RSU1: variants seen among roughly 807,000 people sequenced by gnomAD.
The protein encoded by RSU1 is Ras suppressor protein 1.
A neutral mutation model predicts 31.1 loss-of-function variants in RSU1; 26 were observed. The ratio of observed to expected loss-of-function variants is 0.84; its 90% CI spans 0.61 to 1.16. The LOEUF is 1.16. RSU1 is among the 50% of genes most tolerant of loss of function. RSU1 has a pLI of 0.00. For missense variants in RSU1, 320 were observed against 339.1 expected, an observed-to-expected ratio of 0.94 and a Z score of 0.44; for synonymous variants, 164 against 136.3, an observed-to-expected ratio of 1.20 and a Z score of -1.41.
intron 2 of RSU1, among the ~76,000 whole-genome samples, chr10:16,815,810 T>C (rs1838516265): frequency 6.6e-6 from 1 of 152,138 alleles, no homozygotes; most frequent in Non-Finnish European, 1.5e-5. Flanking sequence ...GGTGGTGATG[T>C]CTAAGCTGAC....
At chr10:16,663,993 T>C (rs947841469) in intron 8 of RSU1, among the ~76,000 whole-genome samples, 2 of 152,028 alleles carry the variant, frequency 1.3e-5, no homozygotes, top group Admixed American at 1.3e-4. Context: ...AGTAGTTCAA[T>C]TACTCTACAC....
intron 7 of RSU1, among the ~76,000 whole-genome samples, chr10:16,707,518 G>A (rs1338400013): frequency 6.7e-6 from 1 of 149,060 alleles, no homozygotes; most frequent in African/African-American, 2.5e-5. Flanking sequence ...CCATCTGTAT[G>A]TCTGCTTTGG....
chr10:16,748,947 A>T (rs1836915837), intron 7 of RSU1, among the ~76,000 whole-genome samples: 1 of 151,666 alleles, frequency 6.6e-6, no homozygotes, highest in African/African-American at 2.4e-5. Context: ...CCGCTAGAAC[A>T]TCATCAGTCA....
intron 7 of RSU1, among the ~76,000 whole-genome samples, chr10:16,737,842 A>T (rs1367828599): frequency 6.6e-6 from 1 of 152,226 alleles, no homozygotes; most frequent in Admixed American, 6.5e-5. Flanking sequence ...GGCACATAAA[A>T]CTTTTAAGTG....
intron 8 of RSU1, among the ~76,000 whole-genome samples, chr10:16,623,988 G>A (rs998090176): frequency 7.9e-5 from 12 of 152,086 alleles, no homozygotes; most frequent in African/African-American, 1.4e-4. Context: ...AAGTCAAAAT[G>A]AGTATGAAAC....
chr10:16,620,995 T>C (rs1469234635), intron 8 of RSU1, among the ~76,000 whole-genome samples: 1 of 152,114 alleles, frequency 6.6e-6, no homozygotes, highest in Admixed American at 6.6e-5. Flanking sequence ...CCTTGCAGTG[T>C]TTTTTCAATC....
At chr10:16,655,745 T>C (rs1177467585) in intron 8 of RSU1, among the ~76,000 whole-genome samples, 1 of 152,216 alleles carries the variant, frequency 6.6e-6, no homozygotes, top group East Asian at 1.9e-4. Context: ...GGTGTTTACT[T>C]TGTATTTCCA....
intron 8 of RSU1, among the ~76,000 whole-genome samples, chr10:16,639,173 CTAA>C (rs1375345740): frequency 6.6e-6 from 1 of 152,198 alleles, no homozygotes; most frequent in Non-Finnish European, 1.5e-5. Flanking sequence ...AACACCACTG[CTAA>C]TAAAACTGTG....
chr10:16,767,080 T>C (rs1837328267), intron 3 of RSU1, among the ~76,000 whole-genome samples: 1 of 151,078 alleles, frequency 6.6e-6, no homozygotes, highest in African/African-American at 2.4e-5. Context: ...TCACTGGATG[T>C]CATCTTCTCC....
intron 7 of RSU1, among the ~76,000 whole-genome samples, chr10:16,699,972 A>C (rs1484179395): frequency 6.6e-6 from 1 of 152,248 alleles, no homozygotes; most frequent in Admixed American, 6.5e-5. Context: ...GCAATTGTGT[A>C]AACATTAAAT....
chr10:16,675,803 A>G (rs1835217455), intron 8 of RSU1, among the ~76,000 whole-genome samples: 2 of 152,224 alleles, frequency 1.3e-5, no homozygotes, highest in Admixed American at 6.5e-5. Context: ...CAGACCTGAC[A>G]TCACCCTGCC....
Position 16,812,536 on chromosome 10 carries a change from A to G in RSU1, c.109+4437T>C, listed in dbSNP as rs144272072. 4.6e-3 allele frequency among the ~76,000 whole-genome samples: 705 copies of G among 152,290 alleles called. 12 individuals are homozygous for G. The highest frequency in any genetic ancestry group is 0.016 in the African/African-American group (681 of 41,548). On this transcript the variant is annotated intron_variant, in intron 2 of 8. Coordinates refer to ENST00000345264, the MANE Select transcript of RSU1 (RefSeq NM_012425.4). Reference sequence around the variant, plus strand: ...TCCCCAGCTCTTTAATCTATCCCCCAAAGAAGGTCGACATGGATAGCATGT... The same window carrying G: ...TCCCCAGCTCTTTAATCTATCCCCCGAAGAAGGTCGACATGGATAGCATGT...
At chr10:16,780,373 G>A (rs1433797794) in intron 3 of RSU1, among the ~76,000 whole-genome samples, 2 of 152,114 alleles carry the variant, frequency 1.3e-5, no homozygotes, top group African/African-American at 2.4e-5. Context: ...TTCAGTAGCT[G>A]GGACCACAGG....
At chr10:16,635,901 A>T (rs1834336232) in intron 8 of RSU1, among the ~76,000 whole-genome samples, 1 of 152,176 alleles carries the variant, frequency 6.6e-6, no homozygotes, top group African/African-American at 2.4e-5. Context: ...ATGTTACTCC[A>T]GTCATCAACA....
chr10:16,649,819 G>T (rs1834645786), intron 8 of RSU1, among the ~76,000 whole-genome samples: 1 of 152,118 alleles, frequency 6.6e-6, no homozygotes, highest in African/African-American at 2.4e-5. Flanking sequence ...GACATAAGGA[G>T]ATTTAATTTT....
intron 3 of RSU1, among the ~76,000 whole-genome samples, chr10:16,778,167 C>T (rs1202315249): frequency 6.6e-6 from 1 of 151,828 alleles, no homozygotes; most frequent in Non-Finnish European, 1.5e-5. Context: ...ATGCCTGGCT[C>T]ATGTTTTTTT....
intron 7 of RSU1, among the ~76,000 whole-genome samples, chr10:16,719,413 G>A (rs1836209797): frequency 6.6e-6 from 1 of 152,124 alleles, no homozygotes; most frequent in Non-Finnish European, 1.5e-5. Context: ...TGGCTCACTT[G>A]TATCACCCAA....
intron 8 of RSU1, among the ~76,000 whole-genome samples, chr10:16,615,448 C>T (rs888904589): frequency 2.0e-5 from 3 of 152,112 alleles, no homozygotes; most frequent in African/African-American, 4.8e-5. Flanking sequence ...GACTTTAACA[C>T]CCCACTGTCC....
intron 4 of RSU1, among the ~76,000 whole-genome samples, chr10:16,758,770 G>A (rs139598506): frequency 3.9e-5 from 6 of 152,240 alleles, no homozygotes; most frequent in East Asian, 1.9e-4. Context: ...AGCCCTAAGC[G>A]AGCAAGCTCA....
Sources: gnomAD v4.1 joint callset for allele counts (sites outside exome capture counted in the v4.1 genomes callset) on GRCh38, gnomAD v4.1.1 for gene constraint, MANE v1.5 for transcripts, NCBI Gene and HGNC (gene_info 2026-07-23, HGNC 2026-07-21) for gene names.